The following MAGT1 variants were observed in gnomAD, a reference collection of about 807,000 sequenced individuals.
MAGT1 encodes the protein dolichyl-diphosphooligosaccharide--protein glycosyltransferase subunit MAGT1.
In MAGT1, 4 loss-of-function variants were observed where a neutral mutation model predicts 28.4. The observed-to-expected ratio is 0.14, with a 90% CI of 0.07 to 0.32. The LOEUF is 0.32. Ranked by LOEUF, MAGT1 falls within the 10% of genes least tolerant of loss-of-function variation. The probability of loss-of-function intolerance (pLI) is 1.00; values close to 1 mark genes in which losing one functional copy is unlikely to be tolerated. For synonymous variants in MAGT1, 89 were observed against 89.7 expected (o/e 0.99, Z 0.04); for missense variants, 193 against 264.5 (o/e 0.73, Z 1.88).
intron 1 of MAGT1, among the ~76,000 whole-genome samples, chrX:77,890,662 T>C (rs1480803590): frequency 2.7e-5 from 3 of 112,331 alleles, no homozygotes; most frequent in East Asian, 5.5e-4. Context: ...GCAAAACATT[T>C]ACCACCCAGA....
intron 5 of MAGT1, 82 bp from the exon 6 acceptor site, chrX:77,855,672 T>C (rs2076979668): frequency 1.4e-6 from 1 of 715,159 alleles, no homozygotes; most frequent in Non-Finnish European, 2.1e-6. Flanking sequence ...AAAATGTGCA[T>C]CTGTTTAGTT....
Position 77,848,657 on chromosome X carries a change from C to A in MAGT1, c.826+5244G>T, listed in dbSNP as rs182147983. On this transcript the variant is annotated intron_variant, in intron 7 of 9. Coordinates refer to ENST00000618282, the MANE Select transcript of MAGT1 (RefSeq NM_001367916.1). ...AAAAATGAACACCCTTACCATGAAACATTCATATAGAAATGAATGCAAGAT... is the reference window on the plus strand; with the variant it reads ...AAAAATGAACACCCTTACCATGAAAAATTCATATAGAAATGAATGCAAGAT... 4.7e-3 allele frequency among the ~76,000 whole-genome samples: 526 copies of A among 111,559 alleles called. 1 individual carries two copies. The highest frequency in any genetic ancestry group is 0.016 in the African/African-American group (500 of 30,774).
chrX:77,892,028 A>T (rs1219037445), intron 1 of MAGT1, among the ~76,000 whole-genome samples: 2 of 108,907 alleles, frequency 1.8e-5, no homozygotes, highest in African/African-American at 3.4e-5. Context: ...AGTAGCTGGG[A>T]CTACAGGCAT....
intron 7 of MAGT1, among the ~76,000 whole-genome samples, chrX:77,845,535 A>G (rs1179072665): frequency 9.0e-6 from 1 of 111,696 alleles, no homozygotes; most frequent in African/African-American, 3.3e-5. Context: ...CCTAGCATCA[A>G]TGGTCTTTAC....
chrX:77,841,438 T>TA (rs782168431), intron 7 of MAGT1, 118 bp from the exon 8 acceptor site: 788 of 521,051 alleles, frequency 1.5e-3, no homozygotes, highest in Non-Finnish European at 2.2e-3. Flanking sequence ...CTCTTCATTA[T>TA]AAAAAACCAA....
rs781822747 is a variant in MAGT1, at chrX:77,884,100, C to T, written c.103-8503G>A. ...CCCAGCTACTCAGGAGGCTGAGGCACGAGAATCACTTGAACCTGGGAGGTG... is the reference window on the plus strand; with the variant it reads ...CCCAGCTACTCAGGAGGCTGAGGCATGAGAATCACTTGAACCTGGGAGGTG... On this transcript the variant is annotated intron_variant, in intron 1 of 9. Coordinates refer to ENST00000618282, the MANE Select transcript of MAGT1 (RefSeq NM_001367916.1). Among the ~76,000 whole-genome samples the T allele has an allele frequency of 9.9e-5, 11 of 110,659 alleles. No individual in the cohort carries two copies. The South Asian group carries it at 3.1e-3, about 31-fold the overall frequency.
At chrX:77,856,252 A>G (rs965082187) in intron 5 of MAGT1, among the ~76,000 whole-genome samples, 3 of 108,356 alleles carry the variant, frequency 2.8e-5, no homozygotes, top group Non-Finnish European at 5.7e-5. Context: ...CCTGGCCAAC[A>G]TGGTGAAACC....
intron 9 of MAGT1, 77 bp downstream of exon 9, chrX:77,830,728 G>T (rs940418067): frequency 3.6e-5 from 17 of 474,741 alleles, no homozygotes; most frequent in Non-Finnish European, 5.8e-5. Context: ...CAAAAAGAAG[G>T]ATATTATAAA....
chrX:77,884,850 C>G (rs189235657), intron 1 of MAGT1, among the ~76,000 whole-genome samples: 1 of 108,147 alleles, frequency 9.2e-6, no homozygotes, highest in East Asian at 2.9e-4. Flanking sequence ...TCTAGGAGGC[C>G]GAGGCGGGTG....
chrX:77,889,551 T>C lies in MAGT1; in HGVS notation c.102+5758A>G, dbSNP rs549216870. Among the ~76,000 whole-genome samples the C allele has an allele frequency of 2.8e-5, 3 of 107,732 alleles. No individual in the cohort carries two copies. In the South Asian group the frequency reaches 1.2e-3, roughly 44 times the overall value. The allele number at this position is 107,732 out of a possible 115,157, so 93.6% of individuals were successfully genotyped here. A position where few individuals can be genotyped will look rare whatever the true frequency, so the allele number is the denominator to read the frequency against. On this transcript the variant is annotated intron_variant, in intron 1 of 9. Transcript: ENST00000618282. ...CACGCCCGGCTAATTTTTTGTATTT[T>C]TAGTAGAGACGGGGTTTCACCGTGT...
At chrX:77,871,708 G>A (rs2077020756) in intron 2 of MAGT1, among the ~76,000 whole-genome samples, 1 of 110,447 alleles carries the variant, frequency 9.1e-6, no homozygotes, top group Admixed American at 9.7e-5. Context: ...CGGGCATGGT[G>A]GCAGGCACCT....
At chrX:77,854,273 C>T (rs782194353) in intron 6 of MAGT1, among the ~76,000 whole-genome samples, 56 of 111,210 alleles carry the variant, frequency 5.0e-4, no homozygotes, top group Non-Finnish European at 8.7e-4. Flanking sequence ...GTCCTGGCTC[C>T]GGTGATCTTC....
chrX:77,894,964 T>C (rs2077094349), intron 1 of MAGT1, among the ~76,000 whole-genome samples: 1 of 111,338 alleles, frequency 9.0e-6, no homozygotes, highest in Non-Finnish European at 1.9e-5. Flanking sequence ...CGGCCAGCAG[T>C]ATAGAGTCTC....
intron 3 of MAGT1, chrX:77,868,623 C>T (rs972609916): frequency 9.3e-5 from 28 of 300,120 alleles, no homozygotes; most frequent in Middle Eastern, 9.1e-4. Context: ...GGCAACAGAG[C>T]GAGACTCCAT....
At chrX:77,887,597 CTTT>C (rs1225871003) in intron 1 of MAGT1, among the ~76,000 whole-genome samples, 2 of 111,726 alleles carry the variant, frequency 1.8e-5, no homozygotes, top group Non-Finnish European at 3.8e-5. Flanking sequence ...CCAGATTCTT[CTTT>C]ATCTTCCAAA....
chrX:77,860,502 C>T (rs1221511236), intron 3 of MAGT1, among the ~76,000 whole-genome samples: 22 of 111,618 alleles, frequency 2.0e-4, no homozygotes, highest in Non-Finnish European at 3.8e-4. Flanking sequence ...TCAGAATAGT[C>T]TGGGCATGGT....
intron 1 of MAGT1, among the ~76,000 whole-genome samples, chrX:77,883,553 CTTTTTTTTTT>C (rs1166624171): frequency 4.9e-5 from 3 of 61,710 alleles, no homozygotes; most frequent in Non-Finnish European, 9.4e-5. Context: ...AATTCATTTT[CTTTTTTTTTT>C]TTTTTTTTTT....
intron 9 of MAGT1, among the ~76,000 whole-genome samples, chrX:77,830,442 C>T (rs2076894334): frequency 9.1e-6 from 1 of 110,362 alleles, no homozygotes; most frequent in Non-Finnish European, 1.9e-5. Flanking sequence ...ATGGTGAAAC[C>T]CCGTTTCTAC....
chrX:77,875,484 G>A lies in MAGT1; in HGVS notation c.216C>T (p.Tyr72=). 1.7e-6 allele frequency: 2 copies of A among 1,210,634 alleles called. No homozygotes were observed. Residue 72 remains tyrosine, a synonymous_variant, in exon 2 of 10, where the codon TAC becomes TAT. Coordinates refer to ENST00000618282, the MANE Select transcript of MAGT1 (RefSeq NM_001367916.1). ...GAGCAGTGAACATGACGATAACGGA[G>A]TAATTTCTCGGTGGGGCTTTCACAA... ...RRLVKAPPRN[Y]SVIVMFTALQ... is the part of the protein sequence containing the mutation.
Sources: allele counts gnomAD v4.1 joint callset (sites outside exome capture counted in the v4.1 genomes callset), GRCh38; gene constraint gnomAD v4.1.1; transcripts MANE v1.5; gene names NCBI Gene and HGNC (gene_info 2026-07-23, HGNC 2026-07-21).